Variants in WDR64 observed in about 807,000 individuals in gnomAD.
WDR64 encodes WD repeat domain 64.
In WDR64, 112 loss-of-function variants were observed where a neutral mutation model predicts 139.3. That is an observed-to-expected ratio of 0.80 (90% CI 0.69 to 0.94). The LOEUF (loss-of-function observed/expected upper bound fraction) is 0.94, where lower values mean the gene tolerates loss of function less well. WDR64 is among the 40% of genes least tolerant of loss of function. The probability of loss-of-function intolerance (pLI) is 0.00; values close to 1 mark genes in which losing one functional copy is unlikely to be tolerated. For missense variants in WDR64, 1,206 were observed against 1,293.1 expected (o/e 0.93, Z 1.03); for synonymous variants, 444 against 437.7 (o/e 1.01, Z -0.18).
In WDR64 at chr1:241,795,291, A is replaced by T; in HGVS notation, c.3078+4A>T. ...CGGCTCTCTGCCTATATACAGTGTG[A>T]GTTGGAGTTTCTAGGAGTAGAGGGG... On this transcript the variant is annotated splice_donor_region_variant and intron_variant, in intron 26 of 27. Coordinates refer to ENST00000437684, the MANE Select transcript of WDR64 (RefSeq NM_001367482.1). The T allele has an allele frequency of 6.2e-7, 1 of 1,611,202 alleles. No homozygotes were observed. Among genetic ancestry groups the T allele is most frequent in the Non-Finnish European group, 8.5e-7 (1 of 1,178,366 alleles).
intron 16 of WDR64, 100 bp downstream of exon 16, chr1:241,766,451 C>T: frequency 7.3e-7 from 1 of 1,361,142 alleles, no homozygotes; most frequent in Non-Finnish European, 9.8e-7. Flanking sequence ...TGGCTCAGGT[C>T]TGTAAACCCA....
intron 8 of WDR64, among the ~76,000 whole-genome samples, chr1:241,697,282 G>A (rs1024609905): frequency 7.2e-5 from 11 of 152,100 alleles, no homozygotes; most frequent in African/African-American, 2.7e-4. Flanking sequence ...GAGCCTCAAG[G>A]GGAATTCTTC....
Position 241,679,561 on chromosome 1 carries a change from T to C in WDR64, c.590T>C (p.Ile197Thr). The C allele has an allele frequency of 5.2e-6, 8 of 1,551,844 alleles. No individual in the cohort carries two copies. The highest frequency in any genetic ancestry group is 6.1e-6 in the Non-Finnish European group (7 of 1,146,922). The change falls in exon 6 of 28, where the codon ATT (isoleucine) becomes ACT (threonine). Residue 197 changes from isoleucine (I) to threonine (T), a missense_variant. Coordinates refer to ENST00000437684, the MANE Select transcript of WDR64 (RefSeq NM_001367482.1). ...GTAGCCACAACCGAAAGGACCATTA[T>C]TGTCTGGGATTATAAAGCTCAAGGG... ...RIVATTERTIIVWDYKAQGSS... is the reference protein window; with the variant it reads ...RIVATTERTITVWDYKAQGSS...
intron 8 of WDR64, among the ~76,000 whole-genome samples, chr1:241,697,540 C>T (rs916403192): frequency 6.6e-6 from 1 of 152,122 alleles, no homozygotes; most frequent in Non-Finnish European, 1.5e-5. Flanking sequence ...CCCCCAGCGT[C>T]GAACAGGCTA....
chr1:241,791,670 T>G (rs1659218329), intron 25 of WDR64, among the ~76,000 whole-genome samples: 3 of 145,802 alleles, frequency 2.1e-5, no homozygotes, highest in African/African-American at 7.4e-5. Context: ...AGACCCTGTC[T>G]GGGGGAAAAA....
At chr1:241,780,860 A>G (rs549799134) in intron 22 of WDR64, among the ~76,000 whole-genome samples, 2 of 152,212 alleles carry the variant, frequency 1.3e-5, no homozygotes, top group Non-Finnish European at 2.9e-5. Flanking sequence ...AGTCAGGGCC[A>G]GGGTCGGGGT....
chr1:241,678,889 C>CAAAAAA (rs1666665723), intron 5 of WDR64, among the ~76,000 whole-genome samples: 1 of 97,298 alleles, frequency 1.0e-5, no homozygotes, highest in Non-Finnish European at 2.0e-5. Context: ...AAAAAAAAAG[C>CAAAAAA]CAACACTGGA....
intron 18 of WDR64, 126 bp from the exon 19 acceptor site, chr1:241,771,535 A>G: frequency 3.3e-6 from 2 of 600,216 alleles, no homozygotes; most frequent in Non-Finnish European, 5.1e-6. Context: ...AAAAAAAATT[A>G]AAGTATAATT....
intron 8 of WDR64, among the ~76,000 whole-genome samples, chr1:241,701,263 T>C (rs1475755745): frequency 6.6e-6 from 1 of 150,830 alleles, no homozygotes; most frequent in Non-Finnish European, 1.5e-5. Flanking sequence ...CACATACACA[T>C]GCGTGCACAT....
intron 3 of WDR64, among the ~76,000 whole-genome samples, chr1:241,673,361 G>C (rs1472085921): frequency 6.6e-6 from 1 of 152,190 alleles, no homozygotes; most frequent in Non-Finnish European, 1.5e-5. Context: ...AGTCTGTAGT[G>C]TGGAAGGGGT....
chr1:241,652,464 T>G lies in WDR64; in HGVS notation c.-21T>G. ...TTGCAGTATTCTTTCTGTACAGAAG[T>G]AAAAGATCCCCTATGTCCCTATGGA... On this transcript the variant is annotated 5_prime_UTR_variant, in exon 1 of 28. Coordinates refer to ENST00000437684, the MANE Select transcript of WDR64 (RefSeq NM_001367482.1). 6.5e-7 allele frequency: 1 copy of G among 1,548,130 alleles called. No individual in the cohort carries two copies. Among genetic ancestry groups the G allele is most frequent in the Non-Finnish European group, 8.7e-7 (1 of 1,146,090 alleles).
intron 9 of WDR64, among the ~76,000 whole-genome samples, chr1:241,721,378 A>G (rs1668603690): frequency 6.7e-6 from 1 of 149,410 alleles, no homozygotes; most frequent in Non-Finnish European, 1.5e-5. Context: ...TATGTAAATT[A>G]TGACTGTTAA....
intron 8 of WDR64, among the ~76,000 whole-genome samples, chr1:241,699,892 G>A (rs1009960766): frequency 2.0e-5 from 3 of 152,036 alleles, no homozygotes; most frequent in South Asian, 2.1e-4. Context: ...GAAAGCTATC[G>A]GAAGCCATCG....
chr1:241,719,428 T>A (rs1426896875), intron 9 of WDR64, among the ~76,000 whole-genome samples: 1 of 152,124 alleles, frequency 6.6e-6, no homozygotes, highest in Admixed American at 6.6e-5. Flanking sequence ...GGTAGGGCAC[T>A]CAGGTTTGAA....
intron 13 of WDR64, among the ~76,000 whole-genome samples, chr1:241,746,275 G>A (rs1031734334): frequency 1.6e-4 from 25 of 152,130 alleles, no homozygotes; most frequent in Non-Finnish European, 2.9e-4. Flanking sequence ...AGGGTTAAAG[G>A]AGGAGAGGAA....
At chr1:241,717,164 TAGTC>T (rs1480494804) in intron 9 of WDR64, among the ~76,000 whole-genome samples, 1 of 152,196 alleles carries the variant, frequency 6.6e-6, no homozygotes, top group African/African-American at 2.4e-5. Flanking sequence ...TTATTGGAAT[TAGTC>T]AGTTTGAATC....
chr1:241,706,311 C>T (rs1667951696), intron 8 of WDR64, among the ~76,000 whole-genome samples: 2 of 152,200 alleles, frequency 1.3e-5, no homozygotes, highest in South Asian at 2.1e-4. Context: ...AAGGTAGCTT[C>T]GCTGGAGCCA....
At chr1:241,695,898 G>A (rs1371251830) in intron 8 of WDR64, among the ~76,000 whole-genome samples, 2 of 151,966 alleles carry the variant, frequency 1.3e-5, no homozygotes, top group Non-Finnish European at 1.5e-5. Flanking sequence ...AGAATCACTC[G>A]AGCCCAGGAG....
At chr1:241,681,563 G>T (rs552020157) in intron 6 of WDR64, among the ~76,000 whole-genome samples, 1 of 152,276 alleles carries the variant, frequency 6.6e-6, no homozygotes, top group East Asian at 1.9e-4. Context: ...TTGCAATTGC[G>T]AATTGTGCTG....
Sources: gnomAD v4.1 joint callset for allele counts (sites outside exome capture counted in the v4.1 genomes callset) on GRCh38, gnomAD v4.1.1 for gene constraint, MANE v1.5 for transcripts, NCBI Gene and HGNC (gene_info 2026-07-23, HGNC 2026-07-21) for gene names.